Variants in UBXN2B observed in about 807,000 individuals in gnomAD.
The protein encoded by UBXN2B is UBX domain-containing protein 2B.
Under a neutral mutation model 37.5 loss-of-function variants are expected in UBXN2B, and 19 were observed. That is an observed-to-expected ratio of 0.51 (90% confidence interval 0.35 to 0.74). UBXN2B has a LOEUF of 0.74. Among genes scored for constraint, UBXN2B ranks in the 30% least tolerant of loss-of-function variants. The pLI is 0.01. For missense variants in UBXN2B, 370 were observed against 393.2 expected, an observed-to-expected ratio of 0.94 and a Z score of 0.50; for synonymous variants, 145 against 143.8, an observed-to-expected ratio of 1.01 and a Z score of -0.06.
chr8:58,433,045 C>T, intron 3 of UBXN2B, 115 bp from the exon 4 acceptor site: 1 of 732,182 alleles, frequency 1.4e-6, no homozygotes, highest in Admixed American at 2.5e-5. Context: ...GAAGGCTCCC[C>T]AGTATGAGCC....
chr8:58,423,587 C>T (rs1807990615), intron 2 of UBXN2B, among the ~76,000 whole-genome samples: 1 of 151,932 alleles, frequency 6.6e-6, no homozygotes, highest in South Asian at 2.1e-4. Flanking sequence ...AGGCGCCCGC[C>T]ACCACGCCCT....
rs759103069 is a variant in UBXN2B, at chr8:58,447,360, T to G, written c.834-29T>G. The G allele has an allele frequency of 1.2e-5, 18 of 1,513,990 alleles. No individual in the cohort carries two copies. In the Admixed American group the frequency reaches 3.5e-4, roughly 30 times the overall value. 93.8% of individuals were successfully genotyped at this position (1,513,990 alleles called of 1,614,324 possible). A position where few individuals can be genotyped will look rare whatever the true frequency, so the allele number is the denominator to read the frequency against. The stretch of plus-strand genomic sequence containing the variant: ...TACATGAAAATATGATTTTTTATAT[T>G]ACAAATTATTTTTGTCTTATTTCTT... On this transcript the variant is annotated intron_variant, in intron 7 of 7. Transcript: ENST00000399598.
At chr8:58,422,308 T>G (rs1585598630) in intron 2 of UBXN2B, among the ~76,000 whole-genome samples, 1 of 152,116 alleles carries the variant, frequency 6.6e-6, no homozygotes, top group African/African-American at 2.4e-5. Context: ...TAACTCAGGG[T>G]CTTAAGAGAC....
At chr8:58,426,569 T>A in intron 2 of UBXN2B, 1 of 753,658 alleles carries the variant, frequency 1.3e-6, no homozygotes, top group East Asian at 2.5e-5. Context: ...GTGTGAAGTC[T>A]CCAGGGTTAC....
intron 6 of UBXN2B, among the ~76,000 whole-genome samples, chr8:58,440,988 T>C (rs1426555490): frequency 2.6e-5 from 4 of 151,648 alleles, no homozygotes; most frequent in African/African-American, 7.3e-5. Flanking sequence ...CAGGCTTCTC[T>C]TTCTTTCTCT....
intron 2 of UBXN2B, chr8:58,425,478 G>C: frequency 9.0e-7 from 1 of 1,116,972 alleles, no homozygotes; most frequent in Non-Finnish European, 1.4e-6. Flanking sequence ...AAACAGGCTC[G>C]TTGGGATCAC....
intron 4 of UBXN2B, 87 bp downstream of exon 4, chr8:58,433,330 C>A: frequency 9.1e-7 from 1 of 1,101,864 alleles, no homozygotes; most frequent in Non-Finnish European, 1.3e-6. Flanking sequence ...ATTGATAATA[C>A]AAATATATTT....
chr8:58,420,617 T>G (rs1030405750), intron 2 of UBXN2B, among the ~76,000 whole-genome samples: 1 of 152,212 alleles, frequency 6.6e-6, no homozygotes, highest in African/African-American at 2.4e-5. Context: ...CTTTTCCCAT[T>G]AGCTTTTATT....
chr8:58,432,198 T>C (rs916921594), intron 3 of UBXN2B, among the ~76,000 whole-genome samples: 39 of 152,076 alleles, frequency 2.6e-4, no homozygotes, highest in African/African-American at 9.2e-4. Flanking sequence ...TCCTTTGTTA[T>C]CTGGAAAAAT....
chr8:58,438,170 G>A (rs1195181535), intron 5 of UBXN2B, among the ~76,000 whole-genome samples: 1 of 152,200 alleles, frequency 6.6e-6, no homozygotes, highest in Non-Finnish European at 1.5e-5. Context: ...GGTGGCTTTC[G>A]CATGGTGTTA....
chr8:58,444,231 A>G (rs1018097500), intron 6 of UBXN2B, among the ~76,000 whole-genome samples: 1 of 152,198 alleles, frequency 6.6e-6, no homozygotes, highest in Non-Finnish European at 1.5e-5. Flanking sequence ...TATTGGGGGT[A>G]ACTTTTTTTT....
At chr8:58,424,555 T>A in intron 2 of UBXN2B, 1 of 922,802 alleles carries the variant, frequency 1.1e-6, no homozygotes, top group Non-Finnish European at 1.8e-6. Flanking sequence ...GAAGTCCACA[T>A]CTATTTTTGT....
At chr8:58,434,871 G>T (rs1036215394) in intron 5 of UBXN2B, 9 of 1,535,478 alleles carry the variant, frequency 5.9e-6, no homozygotes, top group Middle Eastern at 1.7e-4. Flanking sequence ...GACTCTCATT[G>T]CATGTATGCC....
chr8:58,443,986 T>G (rs1808613493), intron 6 of UBXN2B, among the ~76,000 whole-genome samples: 1 of 152,190 alleles, frequency 6.6e-6, no homozygotes, highest in African/African-American at 2.4e-5. Flanking sequence ...ATGTTGGAAG[T>G]CCATCCATTC....
chr8:58,426,791 C>A, intron 2 of UBXN2B: 1 of 603,848 alleles, frequency 1.7e-6, no homozygotes. Flanking sequence ...GGACCAGATG[C>A]GGGGCGGAGC....
At chr8:58,425,550 T>G (rs1808060712) in intron 2 of UBXN2B, 2 of 1,074,754 alleles carry the variant, frequency 1.9e-6, no homozygotes, top group East Asian at 4.7e-5. Context: ...TATTTTTGTT[T>G]TTGTTTTCTT....
intron 1 of UBXN2B, among the ~76,000 whole-genome samples, chr8:58,416,097 C>T (rs1807776055): frequency 6.7e-6 from 1 of 148,896 alleles, no homozygotes; most frequent in South Asian, 2.1e-4. Context: ...TATGGTCATG[C>T]CAATTATAAT....
rs144958693 is a variant in UBXN2B, at chr8:58,436,386, C to T, written c.533+1882C>T. Among the ~76,000 whole-genome samples, 12 of 152,330 alleles carry T rather than the reference C, an allele frequency of 7.9e-5. 1 individual carries two copies. Among genetic ancestry groups the T allele is most frequent in the African/African-American group, 2.6e-4 (11 of 41,562 alleles). On this transcript the variant is annotated intron_variant, in intron 5 of 7. Coordinates refer to ENST00000399598, the MANE Select transcript of UBXN2B (RefSeq NM_001077619.2). Reference sequence around the variant, plus strand: ...TTTTAGGATCAGACAGTATTATCCACGTGACTCCCTGGAGGGCACATGATG... The same window carrying T: ...TTTTAGGATCAGACAGTATTATCCATGTGACTCCCTGGAGGGCACATGATG...
Position 58,449,034 on chromosome 8 carries a change from T to G in UBXN2B, c.*1483T>G, listed in dbSNP as rs570199850. 6.6e-6 allele frequency: 1 copy of G among 152,408 alleles called. No homozygotes were observed. Among genetic ancestry groups the G allele is most frequent in the Admixed American group, 6.5e-5 (1 of 15,298 alleles). 9.4% of individuals were successfully genotyped at this position (152,408 alleles called of 1,614,324 possible). A position where few individuals can be genotyped will look rare whatever the true frequency, so the allele number is the denominator to read the frequency against. On this transcript the variant is annotated 3_prime_UTR_variant, in exon 8 of 8. Transcript: ENST00000399598. Reference sequence around the variant, plus strand: ...CATTCCTTGGCTTGTGACCTCCTTCTTCCATCTTAAAAACCAGTGCTGTTT... The same window carrying G: ...CATTCCTTGGCTTGTGACCTCCTTCGTCCATCTTAAAAACCAGTGCTGTTT...
Sources: gnomAD v4.1 joint callset for allele counts (sites outside exome capture counted in the v4.1 genomes callset) on GRCh38, gnomAD v4.1.1 for gene constraint, MANE v1.5 for transcripts, NCBI Gene and HGNC (gene_info 2026-07-23, HGNC 2026-07-21) for gene names.